CASP10: variants seen among roughly 807,000 people sequenced by gnomAD.
CASP10 encodes the protein caspase-10.
In CASP10, 41 loss-of-function variants were observed where a neutral mutation model predicts 48.5. That is an observed-to-expected ratio of 0.85 (90% CI 0.66 to 1.10). The LOEUF is 1.10. Among genes scored for constraint, CASP10 ranks in the 50% least tolerant of loss-of-function variants. The pLI is 0.00. For synonymous variants in CASP10, 232 were observed against 238.4 expected, an observed-to-expected ratio of 0.97 and a Z score of 0.25; for missense variants, 614 against 614.5, an observed-to-expected ratio of 1.00 and a Z score of 0.01.
intron 8 of CASP10, chr2:201,208,438 G>T (rs1945281921): frequency 2.2e-6 from 2 of 894,990 alleles, no homozygotes; most frequent in African/African-American, 3.6e-5. Flanking sequence ...AGACAACTTG[G>T]GCGTGAGCTC....
exon 10 of CASP10, chr2:201,229,066 TGGAGCA>T (rs1456928156): frequency 6.2e-7 from 1 of 1,614,046 alleles, no homozygotes; most frequent in Non-Finnish European, 8.5e-7. Flanking sequence ...CATGCGCAGG[TGGAGCA>T]GCGTTTCCTA....
intron 6 of CASP10, 77 bp downstream of exon 6, chr2:201,203,843 T>C: frequency 1.8e-6 from 2 of 1,129,132 alleles, no homozygotes; most frequent in Non-Finnish European, 2.7e-6. Flanking sequence ...TACCAAGGAA[T>C]TCAAGGTGAC....
intron 3 of CASP10, among the ~76,000 whole-genome samples, chr2:201,192,134 C>T (rs1030209173): frequency 2.0e-5 from 3 of 152,180 alleles, no homozygotes; most frequent in Non-Finnish European, 4.4e-5. Flanking sequence ...GTGGCTCATG[C>T]CTGTAATCCC....
rs1359776623 is a variant in CASP10 at position 201,218,717 on chromosome 2, T to G, written c.*976T>G. 1 of 985,332 alleles carries G rather than the reference T, an allele frequency of 1.0e-6. No homozygotes were observed. The highest frequency in any genetic ancestry group is 1.7e-5 in the African/African-American group (1 of 57,238). The allele number at this position is 985,332 out of a possible 1,614,324, so 61.0% of individuals were successfully genotyped here. A position where few individuals can be genotyped will look rare whatever the true frequency, so the allele number is the denominator to read the frequency against. On this transcript the variant is annotated 3_prime_UTR_variant, in exon 10 of 10. Transcript: ENST00000286186. ...CCCTTAGTTATAATTCTGTGTCCCC[T>G]CTGCATGCCCTTAAACATTGGACAG...
At chr2:201,200,648 A>G in intron 5 of CASP10, 1 of 1,423,700 alleles carries the variant, frequency 7.0e-7, no homozygotes. Context: ...CATTTGAGGG[A>G]ATCTCAGCTT....
chr2:201,197,610 G>C (rs908266405), intron 5 of CASP10, among the ~76,000 whole-genome samples: 2 of 152,284 alleles, frequency 1.3e-5, no homozygotes, highest in Admixed American at 1.3e-4. Context: ...GTGAGACCCT[G>C]TCTCAAAAAA....
intron 5 of CASP10, among the ~76,000 whole-genome samples, chr2:201,202,566 A>G (rs1271547562): frequency 2.0e-5 from 3 of 152,274 alleles, no homozygotes; most frequent in Non-Finnish European, 4.4e-5. Flanking sequence ...GGACAAAACC[A>G]GAAGGCAGTC....
Position 201,209,280 on chromosome 2 carries a change from T to C in CASP10, c.1133T>C (p.Met378Thr), listed in dbSNP as rs1214220018. Residue 378 changes from methionine to threonine, a missense_variant, in exon 9 of 10, where the codon ATG becomes ACG. Coordinates refer to ENST00000286186, the MANE Select transcript of CASP10 (RefSeq NM_032977.4). ...GCCCTCATTCCCATTCGGGAGATCA[T>C]GTCTCACTTCACAGCCCTGCAGTGC... Reference protein sequence around the residue: ...DEALIPIREIMSHFTALQCPR... With the variant: ...DEALIPIREITSHFTALQCPR... 3.7e-6 allele frequency: 6 copies of C among 1,614,090 alleles called. No individual in the cohort carries two copies. In the East Asian group the frequency reaches 8.9e-5, roughly 24 times the overall value.
chr2:201,194,547 G>A (rs1944721784), intron 4 of CASP10, among the ~76,000 whole-genome samples: 1 of 152,182 alleles, frequency 6.6e-6, no homozygotes, highest in Non-Finnish European at 1.5e-5. Flanking sequence ...ATTATCAAAT[G>A]AGAAATAAAA....
At chr2:201,207,305 A>G (rs984617149) in intron 7 of CASP10, among the ~76,000 whole-genome samples, 5 of 152,168 alleles carry the variant, frequency 3.3e-5, no homozygotes, top group African/African-American at 9.7e-5. Context: ...AAATACCCCA[A>G]GGGGTTTAGA....
intron 6 of CASP10, 54 bp downstream of exon 6, chr2:201,203,820 C>T (rs968202655): frequency 1.5e-6 from 2 of 1,371,052 alleles, no homozygotes; most frequent in African/African-American, 2.9e-5. Flanking sequence ...TAGGGATAGA[C>T]ATATTTGATA....
chr2:201,197,611 T>C (rs2126026196), intron 5 of CASP10, among the ~76,000 whole-genome samples: 1 of 152,258 alleles, frequency 6.6e-6, no homozygotes, highest in Middle Eastern at 3.4e-3. Flanking sequence ...TGAGACCCTG[T>C]CTCAAAAAAC....
intron 9 of CASP10, among the ~76,000 whole-genome samples, chr2:201,209,768 TATCCATCCATCCATCTGTCC>T (rs1307623084): frequency 6.6e-6 from 1 of 152,090 alleles, no homozygotes; most frequent in Non-Finnish European, 1.5e-5. Flanking sequence ...CCCATTCATC[TATCCATCCATCCATCTGTCC>T]ATCCATCCAT....
chr2:201,191,352 T>C (rs773866638), intron 3 of CASP10, among the ~76,000 whole-genome samples: 15 of 152,172 alleles, frequency 9.9e-5, no homozygotes, highest in South Asian at 4.1e-4. Flanking sequence ...AGGAAAACCA[T>C]ATTTCCTCTT....
At chr2:201,215,319 A>G (rs957925267) in intron 9 of CASP10, among the ~76,000 whole-genome samples, 25 of 138,068 alleles carry the variant, frequency 1.8e-4, no homozygotes, top group African/African-American at 6.3e-4. Context: ...GTCTTGTTTT[A>G]AAAATCCTTG....
intron 4 of CASP10, among the ~76,000 whole-genome samples, chr2:201,193,954 A>G (rs1427239164): frequency 1.3e-5 from 2 of 152,114 alleles, no homozygotes; most frequent in Non-Finnish European, 2.9e-5. Context: ...ATTGAATGAG[A>G]TAATTTCTGT....
downstream of CASP10, among the ~76,000 whole-genome samples, chr2:201,226,565 A>G (rs1246143885): frequency 6.6e-6 from 1 of 152,210 alleles, no homozygotes; most frequent in Non-Finnish European, 1.5e-5. Flanking sequence ...TTCCTGCCTC[A>G]GCCTCCCAAA....
At chr2:201,202,986 G>A (rs754077612) in intron 5 of CASP10, among the ~76,000 whole-genome samples, 10 of 151,820 alleles carry the variant, frequency 6.6e-5, no homozygotes, top group East Asian at 1.9e-4. Flanking sequence ...AAAATCCAAC[G>A]TATATCTTCC....
chr2:201,229,053 C>A (rs1237733761), exon 10 of CASP10: 2 of 1,614,228 alleles, frequency 1.2e-6, no homozygotes, highest in Non-Finnish European at 1.7e-6. Flanking sequence ...CACCTCGACC[C>A]CCCATGCGCA....
Sources: allele counts gnomAD v4.1 joint callset (sites outside exome capture counted in the v4.1 genomes callset), GRCh38; gene constraint gnomAD v4.1.1; transcripts MANE v1.5; gene names NCBI Gene and HGNC (gene_info 2026-07-23, HGNC 2026-07-21).